The following GNAL variants were observed in gnomAD, a reference collection of about 807,000 sequenced individuals.
The protein encoded by GNAL is G protein subunit alpha L, also known as guanine nucleotide-binding protein G(olf) subunit alpha.
A neutral mutation model predicts 55.1 loss-of-function variants in GNAL; 18 were observed. The observed-to-expected ratio is 0.33, with a 90% CI of 0.23 to 0.48. The LOEUF is 0.48. Among genes scored for constraint, GNAL ranks in the 20% least tolerant of loss-of-function variants. GNAL has a pLI of 0.99. For synonymous variants in GNAL, 253 were observed against 237.0 expected (o/e 1.07, Z -0.62); for missense variants, 412 against 614.1 (o/e 0.67, Z 3.48).
chr18:11,785,034 T>C (rs1195442222), intron 4 of GNAL, among the ~76,000 whole-genome samples: 1 of 152,220 alleles, frequency 6.6e-6, no homozygotes, highest in African/African-American at 2.4e-5. Flanking sequence ...GTAACATTTT[T>C]AGTTTCTGCA....
At chr18:11,785,380 T>C (rs1021682865) in intron 4 of GNAL, among the ~76,000 whole-genome samples, 1 of 152,190 alleles carries the variant, frequency 6.6e-6, no homozygotes, top group Non-Finnish European at 1.5e-5. Context: ...TAAGCCTGTA[T>C]GCCTCCAAGC....
chr18:11,732,173 A>G (rs1185407104), intron 1 of GNAL, among the ~76,000 whole-genome samples: 2 of 152,152 alleles, frequency 1.3e-5, no homozygotes, highest in Non-Finnish European at 2.9e-5. Context: ...ATATATGCTT[A>G]TTTCTCTTGG....
intron 5 of GNAL, among the ~76,000 whole-genome samples, chr18:11,839,958 T>C (rs968024324): frequency 1.3e-5 from 2 of 152,156 alleles, no homozygotes; most frequent in African/African-American, 2.4e-5. Context: ...AAAGAAAGCA[T>C]TCAAAAAAGG....
intron 3 of GNAL, 42 bp downstream of exon 3, chr18:11,753,724 T>C (rs760133344): frequency 2.1e-6 from 3 of 1,459,804 alleles, no homozygotes; most frequent in Admixed American, 1.7e-5. Flanking sequence ...AAAGGTCAAG[T>C]GCTCTTCATT....
At chr18:11,768,964 ATATAT>A (rs199553268) in intron 4 of GNAL, among the ~76,000 whole-genome samples, 13,667 of 105,090 alleles carry the variant, frequency 0.13, 1,778 homozygotes, top group East Asian at 0.31. Context: ...GTTATATATA[ATATAT>A]TATATATATT....
At chr18:11,830,759 C>T (rs1407739114) in intron 5 of GNAL, among the ~76,000 whole-genome samples, 2 of 152,192 alleles carry the variant, frequency 1.3e-5, no homozygotes, top group Admixed American at 6.5e-5. Flanking sequence ...ATAGACAAAA[C>T]GTGATACATC....
chr18:11,884,970 G>A lies in GNAL; in HGVS notation c.*3835G>A. The stretch of plus-strand genomic sequence containing the variant: ...TCAGAGAGGCACCGTGGAGTTCCAG[G>A]GTCATCGGTCAGCGAGGAACAAGGA... On this transcript the variant is annotated 3_prime_UTR_variant, in exon 12 of 12. Coordinates refer to ENST00000334049, the MANE Select transcript of GNAL (RefSeq NM_182978.4). 3 of 1,303,148 alleles carry A rather than the reference G, an allele frequency of 2.3e-6. No homozygotes were observed. Among genetic ancestry groups the A allele is most frequent in the South Asian group, 2.5e-5 (2 of 79,166 alleles). 80.7% of individuals were successfully genotyped at this position (1,303,148 alleles called of 1,614,324 possible).
At chr18:11,861,674 G>A (rs564008511) in intron 5 of GNAL, among the ~76,000 whole-genome samples, 3 of 152,254 alleles carry the variant, frequency 2.0e-5, no homozygotes, top group East Asian at 1.9e-4. Flanking sequence ...GGAGCTCGGC[G>A]GCCTCCCAGC....
At chr18:11,836,772 G>T (rs990146780) in intron 5 of GNAL, among the ~76,000 whole-genome samples, 3 of 152,170 alleles carry the variant, frequency 2.0e-5, no homozygotes, top group Admixed American at 2.0e-4. Flanking sequence ...CAAGCATTCT[G>T]TGAGCATCAG....
intron 1 of GNAL, among the ~76,000 whole-genome samples, chr18:11,724,094 T>A (rs1304209756): frequency 6.6e-6 from 1 of 152,158 alleles, no homozygotes; most frequent in Admixed American, 6.5e-5. Flanking sequence ...TACCCGTCCT[T>A]AGGTTAGAAG....
intron 5 of GNAL, among the ~76,000 whole-genome samples, chr18:11,855,099 G>T (rs1036885524): frequency 2.0e-5 from 3 of 151,290 alleles, no homozygotes; most frequent in African/African-American, 4.9e-5. Context: ...TTTTGTTTTT[G>T]TTGTTGTTGT....
At chr18:11,809,429 G>A (rs946601531) in intron 4 of GNAL, among the ~76,000 whole-genome samples, 1 of 152,166 alleles carries the variant, frequency 6.6e-6, no homozygotes, top group Non-Finnish European at 1.5e-5. Flanking sequence ...CTACACTTAA[G>A]ATTGTTGAAT....
intron 4 of GNAL, among the ~76,000 whole-genome samples, chr18:11,798,438 G>A (rs2034444082): frequency 6.6e-6 from 1 of 152,112 alleles, no homozygotes; most frequent in Non-Finnish European, 1.5e-5. Flanking sequence ...ATTCTGCAGT[G>A]ACAAGACACA....
chr18:11,730,026 C>A (rs1324610465), intron 1 of GNAL, among the ~76,000 whole-genome samples: 1 of 150,458 alleles, frequency 6.6e-6, no homozygotes, highest in African/African-American at 2.5e-5. Context: ...TTAAGTTTTT[C>A]TTTTCTTTTC....
At chr18:11,835,089 G>A (rs527723462) in intron 5 of GNAL, among the ~76,000 whole-genome samples, 2 of 152,290 alleles carry the variant, frequency 1.3e-5, no homozygotes, top group East Asian at 3.9e-4. Flanking sequence ...GGGAATTTGA[G>A]CTACACAGAT....
At chr18:11,852,323 G>A (rs1361381702) in intron 5 of GNAL, 1 of 576,346 alleles carries the variant, frequency 1.7e-6, no homozygotes, top group Non-Finnish European at 3.1e-6. Flanking sequence ...AGCTCGTAAT[G>A]ATGGTATTTT....
At position 11,699,369 on chromosome 18, in the gene GNAL, G is replaced by A. The variant is rs115519161; in HGVS notation, c.376+9430G>A. On this transcript the variant is annotated intron_variant, in intron 1 of 11. Transcript: ENST00000334049. ...ACCACCACACCTGGCTAATTTTTGG[G>A]GTTTTTTTTTTATTTTTGTATTTTT... Among the ~76,000 whole-genome samples, 619 of 151,082 alleles carry A rather than the reference G, an allele frequency of 4.1e-3. 3 individuals are homozygous for A. Among genetic ancestry groups the A allele is most frequent in the African/African-American group, 0.014 (576 of 40,986 alleles).
At chr18:11,761,706 G>T (rs112021248) in intron 4 of GNAL, among the ~76,000 whole-genome samples, 62 of 152,170 alleles carry the variant, frequency 4.1e-4, no homozygotes, top group African/African-American at 1.4e-3. Context: ...CCAATAAGCT[G>T]CAGCCTCATT....
At chr18:11,877,219 T>C (rs1297667705) in intron 11 of GNAL, among the ~76,000 whole-genome samples, 3 of 152,328 alleles carry the variant, frequency 2.0e-5, no homozygotes, top group Admixed American at 6.5e-5. Context: ...TTTGGGAGGC[T>C]GAGGCAGATG....
Sources: gnomAD v4.1 joint callset for allele counts (sites outside exome capture counted in the v4.1 genomes callset) on GRCh38, gnomAD v4.1.1 for gene constraint, MANE v1.5 for transcripts, NCBI Gene and HGNC (gene_info 2026-07-23, HGNC 2026-07-21) for gene names.